The following TAFA1 variants were observed in gnomAD, a reference collection of about 807,000 sequenced individuals.
TAFA1 encodes the protein chemokine-like protein TAFA-1.
TAFA1 carries 4 observed loss-of-function variants against 18.5 expected under a neutral mutation model. The ratio of observed to expected loss-of-function variants is 0.22; its 90% CI spans 0.11 to 0.49. TAFA1 has a LOEUF of 0.49. Ranked by LOEUF, TAFA1 falls within the 20% of genes least tolerant of loss-of-function variation. The pLI, the probability that TAFA1 is intolerant of heterozygous loss-of-function variation, is 0.98. For missense variants in TAFA1, 147 were observed against 169.0 expected, an observed-to-expected ratio of 0.87 and a Z score of 0.72; for synonymous variants, 56 against 55.2, an observed-to-expected ratio of 1.01 and a Z score of -0.06.
At chr3:68,134,203 GGGAGATT>G (rs2065579455) in intron 2 of TAFA1, among the ~76,000 whole-genome samples, 1 of 152,098 alleles carries the variant, frequency 6.6e-6, no homozygotes, top group Non-Finnish European at 1.5e-5. Flanking sequence ...AAGAGTGGAA[GGGAGATT>G]GGAGATTTGA....
intron 3 of TAFA1, among the ~76,000 whole-genome samples, chr3:68,417,874 C>T (rs2070869967): frequency 6.6e-6 from 1 of 152,032 alleles, no homozygotes; most frequent in South Asian, 2.1e-4. Flanking sequence ...CTTACATGGC[C>T]AGGAAAGGAG....
chr3:68,220,704 A>G (rs558835722), intron 2 of TAFA1, among the ~76,000 whole-genome samples: 36 of 152,022 alleles, frequency 2.4e-4, no homozygotes, highest in African/African-American at 5.8e-4. Context: ...TGGCTCTCTC[A>G]GTCTCTGTGG....
At chr3:68,402,177 A>G (rs1467920119) in intron 2 of TAFA1, among the ~76,000 whole-genome samples, 5 of 152,094 alleles carry the variant, frequency 3.3e-5, no homozygotes, top group Non-Finnish European at 7.4e-5. Flanking sequence ...TTCCGGTATA[A>G]CTAATTCCCT....
At chr3:68,430,296 T>C (rs2071144614) in intron 3 of TAFA1, among the ~76,000 whole-genome samples, 1 of 151,896 alleles carries the variant, frequency 6.6e-6, no homozygotes, top group African/African-American at 2.4e-5. Flanking sequence ...GAAGAGAGCA[T>C]GCAGAAAAGC....
chr3:68,525,241 T>C (rs924249439), intron 3 of TAFA1, among the ~76,000 whole-genome samples: 1 of 152,230 alleles, frequency 6.6e-6, no homozygotes, highest in African/African-American at 2.4e-5. Context: ...TTTTATTTTT[T>C]ACCCATGTTT....
At chr3:68,166,076 C>A (rs1032259546) in intron 2 of TAFA1, among the ~76,000 whole-genome samples, 1 of 150,292 alleles carries the variant, frequency 6.7e-6, no homozygotes, top group Non-Finnish European at 1.5e-5. Context: ...ATAGAAAATT[C>A]TGCGCAAAGT....
chr3:68,424,226 A>G (rs2071012606), intron 3 of TAFA1, among the ~76,000 whole-genome samples: 1 of 152,044 alleles, frequency 6.6e-6, no homozygotes, highest in Admixed American at 6.6e-5. Flanking sequence ...GAGAAGACAT[A>G]CATAAAGACT....
At chr3:68,168,010 G>T (rs893935629) in intron 2 of TAFA1, among the ~76,000 whole-genome samples, 1 of 152,034 alleles carries the variant, frequency 6.6e-6, no homozygotes, top group African/African-American at 2.4e-5. Flanking sequence ...CAATGTCATT[G>T]TCCTGTGGTA....
chr3:68,001,736 A>C (rs1036092324), upstream of TAFA1, among the ~76,000 whole-genome samples: 3 of 152,238 alleles, frequency 2.0e-5, no homozygotes, highest in Non-Finnish European at 4.4e-5. Context: ...TAAGTGAATT[A>C]CAAGATAAAG....
chr3:68,125,836 G>A (rs959277811), intron 2 of TAFA1, among the ~76,000 whole-genome samples: 2 of 152,178 alleles, frequency 1.3e-5, no homozygotes, highest in Non-Finnish European at 1.5e-5. Context: ...CTGACTGAGT[G>A]TGCTTAGCCT....
intron 2 of TAFA1, among the ~76,000 whole-genome samples, chr3:68,334,995 C>G (rs2068946548): frequency 6.6e-6 from 1 of 152,168 alleles, no homozygotes; most frequent in African/African-American, 2.4e-5. Flanking sequence ...TGTGTATATT[C>G]TGAAGCAGAG....
At position 68,137,563 on chromosome 3, in the gene TAFA1, T is replaced by A. The variant is rs138309316; in HGVS notation, c.118+130819T>A. Among the ~76,000 whole-genome samples the A allele has an allele frequency of 1.3e-3, 200 of 152,280 alleles. 1 individual carries two copies. The highest frequency in any genetic ancestry group is 0.01 in the East Asian group (53 of 5,182). On this transcript the variant is annotated intron_variant, in intron 2 of 4. Transcript: ENST00000478136. The stretch of plus-strand genomic sequence containing the variant: ...CACAAATGAAACTAAGACTAGTAAA[T>A]GTATAGATGCAGAGGTTTTCCCACT...
chr3:68,443,868 C>T (rs371057467), intron 3 of TAFA1, among the ~76,000 whole-genome samples: 2 of 152,128 alleles, frequency 1.3e-5, no homozygotes, highest in South Asian at 2.1e-4. Context: ...TATCCCTCAC[C>T]GCATCCCAAA....
At chr3:67,998,939 C>A in the TAFA1 span, among the ~76,000 whole-genome samples, 1 of 152,144 alleles carries the variant, frequency 6.6e-6, no homozygotes, top group African/African-American at 2.4e-5. Context: ...CTACTTCTTT[C>A]TTTCTATGCT....
chr3:68,300,620 G>A (rs775908523), intron 2 of TAFA1, among the ~76,000 whole-genome samples: 27 of 151,934 alleles, frequency 1.8e-4, no homozygotes, highest in African/African-American at 5.6e-4. Flanking sequence ...ATTTGGGAGG[G>A]GCCAGGGCAG....
chr3:68,365,914 G>C (rs1343835872), intron 2 of TAFA1, among the ~76,000 whole-genome samples: 7 of 151,834 alleles, frequency 4.6e-5, no homozygotes, highest in Admixed American at 4.6e-4. Flanking sequence ...GTGAAACTGT[G>C]TCTCTACTAA....
the TAFA1 span, among the ~76,000 whole-genome samples, chr3:67,992,618 C>T: frequency 6.6e-6 from 1 of 152,138 alleles, no homozygotes; most frequent in Non-Finnish European, 1.5e-5. Context: ...ACTGTTGTAG[C>T]CTGAATGCAA....
At chr3:68,100,920 A>T (rs1179631445) in intron 2 of TAFA1, among the ~76,000 whole-genome samples, 1 of 152,212 alleles carries the variant, frequency 6.6e-6, no homozygotes, top group African/African-American at 2.4e-5. Flanking sequence ...ACACCTAGCC[A>T]GCATCACATG....
intron 2 of TAFA1, among the ~76,000 whole-genome samples, chr3:68,310,329 G>A (rs1484522280): frequency 6.6e-6 from 1 of 152,122 alleles, no homozygotes; most frequent in African/African-American, 2.4e-5. Context: ...TATCAGCTAA[G>A]TCAAGTATAC....
Sources: gnomAD v4.1 joint callset for allele counts (sites outside exome capture counted in the v4.1 genomes callset) on GRCh38, gnomAD v4.1.1 for gene constraint, MANE v1.5 for transcripts, NCBI Gene and HGNC (gene_info 2026-07-23, HGNC 2026-07-21) for gene names.